KRT40: variants seen among roughly 807,000 people sequenced by gnomAD.
The protein encoded by KRT40 is keratin, type I cytoskeletal 40.
Under a neutral mutation model 43.5 loss-of-function variants are expected in KRT40, and 47 were observed. The ratio of observed to expected loss-of-function variants is 1.08; its 90% CI spans 0.86 to 1.38. The LOEUF (loss-of-function observed/expected upper bound fraction) is 1.38. KRT40 is among the 40% of genes most tolerant of loss of function. The probability of loss-of-function intolerance (pLI) is 0.00; values close to 1 mark genes in which losing one functional copy is unlikely to be tolerated. For synonymous variants in KRT40, 212 were observed against 214.0 expected, an observed-to-expected ratio of 0.99 and a Z score of 0.08; for missense variants, 573 against 523.6, an observed-to-expected ratio of 1.09 and a Z score of -0.92.
At chr17:40,978,363 A>G in intron 6 of KRT40, 67 bp from the exon 7 acceptor site, 2 of 1,296,114 alleles carry the variant, frequency 1.5e-6, no homozygotes, top group Non-Finnish European at 2.2e-6. Context: ...ACTCAGAAAA[A>G]CCGTGTCAAA....
intron 5 of KRT40, 93 bp from the exon 6 acceptor site, chr17:40,979,117 A>G (rs75202326): frequency 0.039 from 35,570 of 920,474 alleles, 1,598 homozygotes; most frequent in East Asian, 0.17. Context: ...TTTTCTAGCT[A>G]TGTGACCACT....
At chr17:40,979,831 C>T (rs1055646728) in intron 5 of KRT40, among the ~76,000 whole-genome samples, 1 of 152,060 alleles carries the variant, frequency 6.6e-6, no homozygotes, top group Non-Finnish European at 1.5e-5. Flanking sequence ...TGTTGGACAG[C>T]AGAGAAGTGT....
Position 40,981,000 on chromosome 17 carries a change from A to C in KRT40, c.839T>G (p.Leu280Trp), listed in dbSNP as rs1435946610. 4 of 1,614,112 alleles carry C rather than the reference A, an allele frequency of 2.5e-6. No homozygotes were observed. Among genetic ancestry groups the C allele is most frequent in the Non-Finnish European group, 3.4e-6 (4 of 1,180,050 alleles). Residue 280 changes from leucine (L) to tryptophan (W), a missense_variant, in exon 4 of 7, where the codon TTG becomes TGG. Leu to Trp is a moderately conservative substitution (Grantham distance 61). Transcript: ENST00000377755. ...ANNRREAEEWLAVQTEELNQQ... is the reference protein window; with the variant it reads ...ANNRREAEEWWAVQTEELNQQ... ...AATCTGGGTACTGACCTGAACAGCC[A>C]ACCATTCTTCAGCTTCTCTGCGATT...
At chr17:40,985,553 C>T (rs369082647), upstream of KRT40, among the ~76,000 whole-genome samples, 17 of 152,106 alleles carry the variant, frequency 1.1e-4, no homozygotes, top group East Asian at 1.2e-3. Flanking sequence ...TATTTTTTCT[C>T]CTAATCTTGA....
upstream of KRT40, among the ~76,000 whole-genome samples, chr17:40,984,842 G>C (rs978284495): frequency 2.4e-5 from 3 of 127,048 alleles, no homozygotes; most frequent in Non-Finnish European, 3.4e-5. Flanking sequence ...GGAGGAGTGA[G>C]CTATATATTG....
upstream of KRT40, among the ~76,000 whole-genome samples, chr17:40,985,565 T>C (rs1027621963): frequency 3.9e-5 from 6 of 152,218 alleles, no homozygotes; most frequent in African/African-American, 1.4e-4. Context: ...TAATCTTGAG[T>C]GCTACTTCCT....
rs1911937183 is a variant in KRT40 at position 40,978,698 on chromosome 17, A to T, written c.1196+106T>A. On this transcript the variant is annotated intron_variant, in intron 6 of 6. Transcript: ENST00000377755. ...AGCACTTTTTTAAGAAGATCCCTAA[A>T]CACACTGGGGAGGTCTGAACTTGTC... is the stretch of plus-strand genomic sequence containing the variant. 6 of 909,960 alleles carry T rather than the reference A, an allele frequency of 6.6e-6. No homozygotes were observed. In the Admixed American group the frequency reaches 1.2e-4, roughly 18 times the overall value. 56.4% of individuals were successfully genotyped at this position (909,960 alleles called of 1,614,324 possible). A position where few individuals can be genotyped will look rare whatever the true frequency, so the allele number is the denominator to read the frequency against.
rs1425560597 is a variant in KRT40 at position 40,982,400 on chromosome 17, G to A, written c.594C>T (p.Ile198=). ...ATTTGCACAGGGTCAGTTCCTCCAG[G>A]ATCCCATGCAGGCTGCTGATGTCAG... ...LEADISSLHG[I]LEELTLCKSD... The change falls in exon 3 of 7, where the codon ATC becomes ATT. Residue 198 remains isoleucine, a synonymous_variant. Coordinates refer to ENST00000377755, the MANE Select transcript of KRT40 (RefSeq NM_001389244.1). The A allele has an allele frequency of 2.5e-6, 4 of 1,611,182 alleles. No homozygotes were observed. The highest frequency in any genetic ancestry group is 1.3e-5 in the African/African-American group (1 of 74,670).
chr17:40,982,224 C>T (rs11078973), intron 3 of KRT40, 83 bp downstream of exon 3: 367,340 of 1,291,422 alleles, frequency 0.28, 57,582 homozygotes, highest in African/African-American at 0.63. Context: ...TGCCCAAATT[C>T]GATTTACAAA....
Position 40,983,127 on chromosome 17 carries a change from A to G in KRT40, c.449T>C (p.Ile150Thr). ...FNTIEDLQQK[I>T]LCTKAENSRL... Reference sequence around the variant, plus strand: ...AGAATTCTCTGCTTTCGTGCATAAGATCTGGGAAGCAAGTCATTATGTGAT... The same window carrying G: ...AGAATTCTCTGCTTTCGTGCATAAGGTCTGGGAAGCAAGTCATTATGTGAT... Residue 150 changes from isoleucine (I) to threonine (T), a missense_variant and splice_region_variant, in exon 2 of 7, where the codon ATC becomes ACC. By Grantham distance (89) the Ile-to-Thr change is moderately conservative (BLOSUM62 -1). Transcript: ENST00000377755. 7.1e-7 allele frequency: 1 copy of G among 1,398,806 alleles called. No individual in the cohort carries two copies. The highest frequency in any genetic ancestry group is 1.0e-6 in the Non-Finnish European group (1 of 998,166). The allele number at this position is 1,398,806 out of a possible 1,614,324, so 86.6% of individuals were successfully genotyped here. A position where few individuals can be genotyped will look rare whatever the true frequency, so the allele number is the denominator to read the frequency against.
Position 40,983,258 on chromosome 17 carries a change from C to CT in KRT40, c.448-131dup, listed in dbSNP as rs200177987. 4.8e-3 allele frequency: 2,392 copies of CT among 493,658 alleles called. 41 individuals carry two copies. The highest frequency in any genetic ancestry group is 0.041 in the African/African-American group (2,069 of 50,208). The allele number at this position is 493,658 out of a possible 1,614,324, so 30.6% of individuals were successfully genotyped here. A position where few individuals can be genotyped will look rare whatever the true frequency, so the allele number is the denominator to read the frequency against. On this transcript the variant is annotated intron_variant, in intron 1 of 6. Coordinates refer to ENST00000377755, the MANE Select transcript of KRT40 (RefSeq NM_001389244.1). ...AAAGTATAAAATCACCCTCAGCCTG[C>CT]TTTTTTTTATTAACCTTGTCACTTC...
In KRT40 at chr17:40,978,518, G is replaced by T. The variant is rs190992660; in HGVS notation, c.1197-222C>A. Among the ~76,000 whole-genome samples, 813 of 152,196 alleles carry T rather than the reference G, an allele frequency of 5.3e-3. 6 individuals carry two copies. Among genetic ancestry groups the T allele is most frequent in the African/African-American group, 0.019 (777 of 41,528 alleles). ...GTATTTTATATTTTTTCTTGATTTT[G>T]CAAATGTTATCTTAGGCCTATTCCT... is the stretch of plus-strand genomic sequence containing the variant. On this transcript the variant is annotated intron_variant, in intron 6 of 6. Transcript: ENST00000377755.
In KRT40 at chr17:40,984,255, A is replaced by G. The variant is rs201719050; in HGVS notation, c.19T>C (p.Ser7Pro). Reference protein sequence around the residue: MTSDCSSTHCSPESCGT... With the variant: MTSDCSPTHCSPESCGT... ...CAGGACTCAGGAGAGCAGTGTGTGG[A>G]GGAGCAGTCAGAAGTCATCCTTCCA... Residue 7 changes from serine to proline, a missense_variant, in exon 1 of 7, where the codon TCC becomes CCC. Ser to Pro is a moderately conservative substitution (Grantham distance 74, BLOSUM62 -1). Coordinates refer to ENST00000377755, the MANE Select transcript of KRT40 (RefSeq NM_001389244.1). 628 of 1,609,582 alleles carry G rather than the reference A, an allele frequency of 3.9e-4. 1 individual carries two copies. The highest frequency in any genetic ancestry group is 1.8e-3 in the Middle Eastern group (11 of 6,034).
intron 2 of KRT40, 91 bp downstream of exon 2, chr17:40,982,955 C>A: frequency 1.7e-6 from 1 of 601,892 alleles, no homozygotes. Context: ...TTGCAGTGAG[C>A]TGAGATAGCA....
In KRT40 at chr17:40,978,214, C is replaced by T; in HGVS notation, c.1279G>A (p.Glu427Lys). 1 of 1,613,694 alleles carries T rather than the reference C, an allele frequency of 6.2e-7. No individual in the cohort carries two copies. The highest frequency in any genetic ancestry group is 8.5e-7 in the Non-Finnish European group (1 of 1,179,634). Residue 427 changes from glutamate (E) to lysine (K), a missense_variant, in exon 7 of 7, where the codon GAA (glutamate) becomes AAA (lysine). By Grantham distance (56) the Glu-to-Lys change is moderately conservative. Transcript: ENST00000377755. ...CTTAACATTCACAAGCAGCAGTTTT[C>T]AACAGTGCAGATGACATAGGCTGAG... is the stretch of plus-strand genomic sequence containing the variant. ...PCSAYVICTVENCCL is the reference protein window; with the variant it reads ...PCSAYVICTVKNCCL
At chr17:40,982,558 C>A in intron 2 of KRT40, 95 bp from the exon 3 acceptor site, 1 of 989,770 alleles carries the variant, frequency 1.0e-6, no homozygotes, top group South Asian at 2.8e-5. Flanking sequence ...CTTCAGGAAG[C>A]CATGTGCATA....
rs776830762 is a variant in KRT40, at chr17:40,980,885, A to G, written c.875T>C (p.Leu292Pro). Residue 292 changes from leucine (L) to proline (P), a missense_variant, in exon 5 of 7, where the codon CTG becomes CCG. Leu to Pro is a moderately conservative substitution (Grantham distance 98). Transcript: ENST00000377755. ...VQTEELNQQQ[L>P]SSAEQLQGCQ... ...GCCCTGCAGCTGCTCCGCGCTGGAC[A>G]GTTGCTGCTGATTCAGCTCTTCTGT... is the stretch of plus-strand genomic sequence containing the variant. The G allele has an allele frequency of 9.5e-5, 153 of 1,613,908 alleles. No homozygotes were observed. In the East Asian group the frequency reaches 2.4e-3, roughly 25 times the overall value.
chr17:40,978,098 C>T lies in KRT40; in HGVS notation c.*99G>A, dbSNP rs1453491845. 4.7e-6 allele frequency: 4 copies of T among 856,202 alleles called. No individual in the cohort carries two copies. The African/African-American group carries it at 6.7e-5, about 14-fold the overall frequency. 53.0% of individuals were successfully genotyped at this position (856,202 alleles called of 1,614,324 possible). A position where few individuals can be genotyped will look rare whatever the true frequency, so the allele number is the denominator to read the frequency against. ...GGGCAATTCCAGGATATGAGAGCCTCCTGGATTTGTGCTTCCGGTTTGGAT... is the reference window on the plus strand; with the variant it reads ...GGGCAATTCCAGGATATGAGAGCCTTCTGGATTTGTGCTTCCGGTTTGGAT... On this transcript the variant is annotated 3_prime_UTR_variant, in exon 7 of 7. Transcript: ENST00000377755.
chr17:40,984,159 C>T lies in KRT40; in HGVS notation c.115G>A (p.Ala39Thr). ...CTTGGAGTCTGACATCGGGATGTAG[C>T]ACAGGTACCGGGGAGACAAGCTGTT... is the stretch of plus-strand genomic sequence containing the variant. Reference protein sequence around the residue: ...VETACLPGTCATSRCQTPSFL... With the variant: ...VETACLPGTCTTSRCQTPSFL... Residue 39 changes from alanine to threonine, a missense_variant, in exon 1 of 7, where the codon GCT becomes ACT. Coordinates refer to ENST00000377755, the MANE Select transcript of KRT40 (RefSeq NM_001389244.1). The T allele has an allele frequency of 1.2e-6, 2 of 1,614,078 alleles. No individual in the cohort carries two copies. The highest frequency in any genetic ancestry group is 1.7e-6 in the Non-Finnish European group (2 of 1,180,022).
Sources: gnomAD v4.1 joint callset for allele counts (sites outside exome capture counted in the v4.1 genomes callset) on GRCh38, gnomAD v4.1.1 for gene constraint, MANE v1.5 for transcripts, NCBI Gene and HGNC (gene_info 2026-07-23, HGNC 2026-07-21) for gene names.